ZSCAN2: variants seen among roughly 807,000 people sequenced by gnomAD.
ZSCAN2 encodes zinc finger and SCAN domain containing 2, also known as zinc finger and SCAN domain-containing protein 2.
A neutral mutation model predicts 47.8 loss-of-function variants in ZSCAN2; 26 were observed. The observed-to-expected ratio is 0.54, with a 90% CI of 0.40 to 0.75. The LOEUF (loss-of-function observed/expected upper bound fraction) is 0.75. Among genes scored for constraint, ZSCAN2 ranks in the 30% least tolerant of loss-of-function variants. The pLI is 0.00. For missense variants in ZSCAN2, 732 were observed against 785.4 expected, an observed-to-expected ratio of 0.93 and a Z score of 0.81; for synonymous variants, 305 against 288.7, an observed-to-expected ratio of 1.06 and a Z score of -0.57.
At chr15:84,604,477 G>C in intron 2 of ZSCAN2, 144 bp downstream of exon 2, 3 of 1,076,642 alleles carry the variant, frequency 2.8e-6, no homozygotes, top group Non-Finnish European at 3.9e-6. Context: ...GGCAGTCAGC[G>C]TGTTCATCAG....
intron 2 of ZSCAN2, among the ~76,000 whole-genome samples, chr15:84,609,739 C>T (rs779274602): frequency 5.9e-5 from 9 of 152,152 alleles, no homozygotes; most frequent in Non-Finnish European, 1.0e-4. Flanking sequence ...GCTGGGCATA[C>T]CCTATATCAG....
intron 2 of ZSCAN2, among the ~76,000 whole-genome samples, chr15:84,610,594 C>A (rs1477621539): frequency 6.7e-6 from 1 of 148,614 alleles, no homozygotes; most frequent in Non-Finnish European, 1.5e-5. Context: ...TCAAGTGATT[C>A]TCCTGCCTCA....
At chr15:84,611,204 G>A (rs113226302) in intron 2 of ZSCAN2, among the ~76,000 whole-genome samples, 3 of 152,160 alleles carry the variant, frequency 2.0e-5, no homozygotes, top group African/African-American at 7.2e-5. Flanking sequence ...GGCTAAGTTA[G>A]GAGAATTGCT....
chr15:84,616,531 T>G, intron 2 of ZSCAN2: 1 of 1,337,138 alleles, frequency 7.5e-7, no homozygotes, highest in Non-Finnish European at 9.6e-7. Context: ...TCTGCTGTTT[T>G]GGGAAGCCCT....
chr15:84,605,452 G>C (rs1038362214), intron 2 of ZSCAN2, among the ~76,000 whole-genome samples: 3 of 152,234 alleles, frequency 2.0e-5, no homozygotes, highest in Non-Finnish European at 4.4e-5. Context: ...AGGGAGTAGG[G>C]TGTGGCAGCT....
In ZSCAN2 at chr15:84,606,916, A is replaced by G. The variant is rs541981967; in HGVS notation, c.406+2583A>G. ...CACAGGAGTCCCTGCGTTTGTCTTC[A>G]TCCCTTCTCAAACATTTACTCGACA... On this transcript the variant is annotated intron_variant, in intron 2 of 2. Transcript: ENST00000546148. 8.4e-4 allele frequency: 884 copies of G among 1,057,846 alleles called. 1 individual carries two copies. Among genetic ancestry groups the G allele is most frequent in the Non-Finnish European group, 9.7e-4 (849 of 873,730 alleles). The allele number at this position is 1,057,846 out of a possible 1,614,324, so 65.5% of individuals were successfully genotyped here. A position where few individuals can be genotyped will look rare whatever the true frequency, so the allele number is the denominator to read the frequency against.
rs150175069 is a variant in ZSCAN2 at position 84,621,760 on chromosome 15, G to A, written c.1565G>A (p.Arg522Gln). The A allele has an allele frequency of 3.2e-5, 51 of 1,614,096 alleles. No individual in the cohort carries two copies. In the Admixed American group the frequency reaches 5.3e-4, roughly 17 times the overall value. The part of the protein sequence containing the change: ...SQRSQLVVHQ[R>Q]THTGEKPYKC... The stretch of plus-strand genomic sequence containing the variant: ...CGCTCCCAGCTCGTAGTGCACCAGC[G>A]GACCCACACGGGCGAGAAGCCCTAC... The change falls in exon 3 of 3, where the codon CGG (arginine) becomes CAG (glutamine). Residue 522 changes from arginine (R) to glutamine (Q), a missense_variant. Coordinates refer to ENST00000546148, the MANE Select transcript of ZSCAN2 (RefSeq NM_181877.4). The surrounding 1 kb of genome is among the most constrained non-coding windows in gnomAD (Gnocchi z 5.7).
chr15:84,606,900 C>T, intron 2 of ZSCAN2: 2 of 1,097,196 alleles, frequency 1.8e-6, no homozygotes, highest in Non-Finnish European at 2.2e-6. Context: ...TCACAGGAGT[C>T]CCTGCGTTTG....
At chr15:84,606,976 T>G in intron 2 of ZSCAN2, 1 of 606,818 alleles carries the variant, frequency 1.6e-6, no homozygotes, top group Non-Finnish European at 2.1e-6. Flanking sequence ...TTTGTCCAGC[T>G]TATGACCTTT....
intron 2 of ZSCAN2, chr15:84,606,756 T>G: frequency 7.3e-7 from 1 of 1,375,622 alleles, no homozygotes; most frequent in East Asian, 2.9e-5. Flanking sequence ...CCTTTCATCT[T>G]TAACTGGGCA....
chr15:84,620,506 TG>T, intron 2 of ZSCAN2, 95 bp from the exon 3 acceptor site: 1 of 1,133,468 alleles, frequency 8.8e-7, no homozygotes, highest in Non-Finnish European at 1.3e-6. Flanking sequence ...TTGTGTTCAC[TG>T]GAAGTTTAAT....
intron 2 of ZSCAN2, among the ~76,000 whole-genome samples, chr15:84,613,897 G>A (rs1407944510): frequency 6.6e-6 from 1 of 150,388 alleles, no homozygotes; most frequent in Non-Finnish European, 1.5e-5. Flanking sequence ...GGCCAGGCTG[G>A]TCTTGAACTC....
At chr15:84,616,380 C>A (rs1240274425) in intron 2 of ZSCAN2, 25 of 1,609,216 alleles carry the variant, frequency 1.6e-5, no homozygotes, top group Non-Finnish European at 1.8e-5. Context: ...CCTCTCTGAA[C>A]CAAAGAAGCC....
intron 2 of ZSCAN2, chr15:84,616,287 T>A: frequency 8.7e-7 from 1 of 1,147,420 alleles, no homozygotes; most frequent in Non-Finnish European, 1.3e-6. Context: ...GGTCAAAGGC[T>A]CTTTCCTTCT....
Position 84,623,377 on chromosome 15 carries a change from C to T in ZSCAN2, c.*1337C>T. On this transcript the variant is annotated 3_prime_UTR_variant, in exon 3 of 3. Coordinates refer to ENST00000546148, the MANE Select transcript of ZSCAN2 (RefSeq NM_181877.4). ...GAAGTGCTGGGATTACAGGCGTGAG[C>T]CAGCGCACCCGGCCAAGAACATTAT... 1 of 196,440 alleles carries T rather than the reference C, an allele frequency of 5.1e-6. No individual in the cohort carries two copies. Among genetic ancestry groups the T allele is most frequent in the South Asian group, 8.3e-5 (1 of 12,062 alleles). The allele number at this position is 196,440 out of a possible 1,614,324, so 12.2% of individuals were successfully genotyped here.
chr15:84,620,639 T>C lies in ZSCAN2; in HGVS notation c.444T>C (p.Asn148=), dbSNP rs1190275765. 1 of 1,612,522 alleles carries C rather than the reference T, an allele frequency of 6.2e-7. No individual in the cohort carries two copies. The highest frequency in any genetic ancestry group is 8.5e-7 in the Non-Finnish European group (1 of 1,178,670). ...AGAGTGAAAATGGGGAGAACTGTAATCAAGACATGTTTGAGAATGAATCAC... is the reference window on the plus strand; with the variant it reads ...AGAGTGAAAATGGGGAGAACTGTAACCAAGACATGTTTGAGAATGAATCAC... ...EIQSENGENC[N]QDMFENESRK... Residue 148 remains asparagine, a synonymous_variant, in exon 3 of 3, where the codon AAT becomes AAC. Coordinates refer to ENST00000546148, the MANE Select transcript of ZSCAN2 (RefSeq NM_181877.4).
chr15:84,609,158 T>C (rs1260672683), intron 2 of ZSCAN2, among the ~76,000 whole-genome samples: 1 of 152,104 alleles, frequency 6.6e-6, no homozygotes, highest in Non-Finnish European at 1.5e-5. Flanking sequence ...ACACATACAT[T>C]CATTTGTCTC....
At position 84,622,550 on chromosome 15, in the gene ZSCAN2, GC is replaced by G; in HGVS notation, c.*511del. ...CTGTCAGTTAGAATCTGCTCTTCTG[GC>G]TTTGGTGTCTTGGGCTTTGATTTCA... is the stretch of plus-strand genomic sequence containing the variant. On this transcript the variant is annotated 3_prime_UTR_variant, in exon 3 of 3. Coordinates refer to ENST00000546148, the MANE Select transcript of ZSCAN2 (RefSeq NM_181877.4). 1.4e-6 allele frequency: 1 copy of G among 710,964 alleles called. No homozygotes were observed. Among genetic ancestry groups the G allele is most frequent in the Non-Finnish European group, 2.6e-6 (1 of 381,738 alleles). The allele number at this position is 710,964 out of a possible 1,614,324, so 44.0% of individuals were successfully genotyped here. A position where few individuals can be genotyped will look rare whatever the true frequency, so the allele number is the denominator to read the frequency against.
chr15:84,610,887 G>A (rs1233651564), intron 2 of ZSCAN2, among the ~76,000 whole-genome samples: 1 of 152,188 alleles, frequency 6.6e-6, no homozygotes, highest in Non-Finnish European at 1.5e-5. Flanking sequence ...AGCAGATCAT[G>A]AGTCAAAATC....
Sources: gnomAD v4.1 joint callset for allele counts (sites outside exome capture counted in the v4.1 genomes callset) on GRCh38, gnomAD v4.1.1 for gene constraint, Gnocchi (gnomAD v3.1) non-coding constraint, MANE v1.5 for transcripts, NCBI Gene and HGNC (gene_info 2026-07-23, HGNC 2026-07-21) for gene names.